Variants in NTNG2 observed in about 807,000 individuals in gnomAD.
NTNG2 encodes the protein netrin G2.
NTNG2 carries 15 observed loss-of-function variants against 47.6 expected under a neutral mutation model. The ratio of observed to expected loss-of-function variants is 0.32; its 90% confidence interval spans 0.21 to 0.49. NTNG2 has a LOEUF of 0.49. Among genes scored for constraint, NTNG2 ranks in the 20% least tolerant of loss-of-function variants. NTNG2 has a pLI of 0.99. For synonymous variants in NTNG2, 307 were observed against 324.6 expected (o/e 0.95, Z 0.58); for missense variants, 578 against 764.6 (o/e 0.76, Z 2.88).
rs1218492891 is a variant in NTNG2 at position 132,236,559 on chromosome 9, C to T, written c.1055-2545C>T. On this transcript the variant is annotated intron_variant, in intron 5 of 7. Transcript: ENST00000393229. This position sits in a 1 kb window ranked among gnomAD's most constrained non-coding sequence, Gnocchi z 4.3. ...TCTGAGCAGCGAGCAGGGCTTTGAG[C>T]GCCCTCTACTGGCAGGAAGCTCTGG... Among the ~76,000 whole-genome samples the T allele has an allele frequency of 2.0e-5, 3 of 152,222 alleles. No homozygotes were observed. The highest frequency in any genetic ancestry group is 4.8e-5 in the African/African-American group (2 of 41,456).
chr9:132,239,948 T>C (rs1841877550), intron 6 of NTNG2, among the ~76,000 whole-genome samples: 1 of 152,276 alleles, frequency 6.6e-6, no homozygotes, highest in African/African-American at 2.4e-5. Context: ...ACTCAAGGAC[T>C]GGCTTTTGGG....
rs1835230106 is a variant in NTNG2, at chr9:132,163,353, T to G, written c.-484+1114T>G. ...CGCGCCCCGCCTCCCGCGCCCAACT[T>G]TCCAGGGCTCCCGCGGGCGGGGACC... On this transcript the variant is annotated intron_variant, in intron 1 of 7. Transcript: ENST00000393229. This position sits in a 1 kb window ranked among gnomAD's most constrained non-coding sequence, Gnocchi z 7.2. Among the ~76,000 whole-genome samples the G allele has an allele frequency of 6.7e-6, 1 of 148,850 alleles. No individual in the cohort carries two copies. Among genetic ancestry groups the G allele is most frequent in the Non-Finnish European group, 1.5e-5 (1 of 66,944 alleles).
chr9:132,176,966 C>T (rs1836507398), intron 2 of NTNG2, among the ~76,000 whole-genome samples: 1 of 152,142 alleles, frequency 6.6e-6, no homozygotes, highest in African/African-American at 2.4e-5. Context: ...CAGTGTGCTT[C>T]TTAGTCATTT....
intron 2 of NTNG2, among the ~76,000 whole-genome samples, chr9:132,192,300 G>A (rs1460912441): frequency 6.6e-6 from 1 of 152,186 alleles, no homozygotes; most frequent in East Asian, 1.9e-4. Flanking sequence ...CCCCAGTGAA[G>A]AATAGAAGGT....
chr9:132,242,173 GC>G lies in NTNG2; in HGVS notation c.*64del. 1.2e-6 allele frequency: 1 copy of G among 863,690 alleles called. No individual in the cohort carries two copies. Among genetic ancestry groups the G allele is most frequent in the South Asian group, 5.5e-5 (1 of 18,304 alleles). 53.5% of individuals were successfully genotyped at this position (863,690 alleles called of 1,614,324 possible). ...GGGGGTCCCGGGGTCCCGGGGCGGG[GC>G]CGGCGTCCGAGGCCGGGCGGTGAGA... On this transcript the variant is annotated 3_prime_UTR_variant, in exon 8 of 8. Coordinates refer to ENST00000393229, the MANE Select transcript of NTNG2 (RefSeq NM_032536.4). The surrounding 1 kb of genome is among the most constrained non-coding windows in gnomAD (Gnocchi z 5.9).
At chr9:132,186,124 G>A (rs559938300) in intron 2 of NTNG2, among the ~76,000 whole-genome samples, 44 of 152,322 alleles carry the variant, frequency 2.9e-4, no homozygotes, top group African/African-American at 5.8e-4. Context: ...CCCCACACTC[G>A]AAGGAGGGAG....
In NTNG2 at chr9:132,234,862, C is replaced by T. The variant is rs141133491; in HGVS notation, c.1055-4242C>T. Among the ~76,000 whole-genome samples the T allele has an allele frequency of 3.8e-3, 578 of 152,380 alleles. 4 individuals carry two copies. Among genetic ancestry groups the T allele is most frequent in the Non-Finnish European group, 5.7e-3 (387 of 68,042 alleles). ...TCCCCGCTCCCAGCTGGAAAGTCTT[C>T]CGCACTTGTTAGCTGGTAGCTTTTC... On this transcript the variant is annotated intron_variant, in intron 5 of 7. Transcript: ENST00000393229.
chr9:132,193,112 C>A (rs1200226592), intron 2 of NTNG2, among the ~76,000 whole-genome samples: 1 of 152,176 alleles, frequency 6.6e-6, no homozygotes, highest in African/African-American at 2.4e-5. Context: ...GGGGCCTGGG[C>A]AGGGCAGGGC....
rs1488300573 is a variant in NTNG2 at position 132,226,492 on chromosome 9, C to A, written c.858-357C>A. ...GCCTCTGTCACCCATCAACCCACAT[C>A]AGTCAAAGGCTAGGGTGATCAGAAG... On this transcript the variant is annotated intron_variant, in intron 3 of 7. Coordinates refer to ENST00000393229, the MANE Select transcript of NTNG2 (RefSeq NM_032536.4). This position sits in a 1 kb window ranked among gnomAD's most constrained non-coding sequence, Gnocchi z 4.8. 6.6e-6 allele frequency among the ~76,000 whole-genome samples: 1 copy of A among 152,226 alleles called. No individual in the cohort carries two copies. Among genetic ancestry groups the A allele is most frequent in the Non-Finnish European group, 1.5e-5 (1 of 68,048 alleles).
intron 7 of NTNG2, chr9:132,241,345 G>T: frequency 2.1e-6 from 1 of 474,466 alleles, no homozygotes; most frequent in Non-Finnish European, 3.7e-6. Context: ...GGGGCCTAGC[G>T]AGACGGAGCT....
chr9:132,230,037 T>G (rs72763700), intron 4 of NTNG2, among the ~76,000 whole-genome samples: 1 of 152,208 alleles, frequency 6.6e-6, no homozygotes, highest in Non-Finnish European at 1.5e-5. Context: ...AGTTCCCTCA[T>G]AGGGTTCTTG....
At chr9:132,209,405 G>A (rs562390409) in intron 3 of NTNG2, among the ~76,000 whole-genome samples, 4 of 152,348 alleles carry the variant, frequency 2.6e-5, no homozygotes, top group East Asian at 1.9e-4. Flanking sequence ...TGAGCTCCGC[G>A]GTGACGATGA....
rs1025619872 is a variant in NTNG2, at chr9:132,163,500, G to T, written c.-484+1261G>T. Among the ~76,000 whole-genome samples, 4 of 152,074 alleles carry T rather than the reference G, an allele frequency of 2.6e-5. No individual in the cohort carries two copies. Among genetic ancestry groups the T allele is most frequent in the Non-Finnish European group, 5.9e-5 (4 of 67,972 alleles). On this transcript the variant is annotated intron_variant, in intron 1 of 7. Transcript: ENST00000393229. This position sits in a 1 kb window ranked among gnomAD's most constrained non-coding sequence, Gnocchi z 7.2. The stretch of plus-strand genomic sequence containing the variant: ...CTGGACCCCGCCCGGGGCAGAGGAC[G>T]GGAAGGTGACCCCGCCGGCCAAGCT...
chr9:132,237,123 A>G (rs1198488107), intron 5 of NTNG2, among the ~76,000 whole-genome samples: 2 of 152,116 alleles, frequency 1.3e-5, no homozygotes, highest in African/African-American at 4.8e-5. Context: ...AGTCATTTGG[A>G]GGATTAATCC....
chr9:132,204,758 G>A (rs1839040792), intron 3 of NTNG2, among the ~76,000 whole-genome samples: 1 of 152,152 alleles, frequency 6.6e-6, no homozygotes, highest in South Asian at 2.1e-4. Flanking sequence ...CACAGATGAG[G>A]AAACTGAGGC....
chr9:132,241,062 C>A lies in NTNG2; in HGVS notation c.1357+18C>A. 1 of 1,583,064 alleles carries A rather than the reference C, an allele frequency of 6.3e-7. No individual in the cohort carries two copies. The highest frequency in any genetic ancestry group is 1.3e-5 in the African/African-American group (1 of 74,538). ...CTGCTACCGTGAGTGCGCGCCGTCC[C>A]CCGTGGGCGGGGCCTGCGGAAAGGG... On this transcript the variant is annotated intron_variant, in intron 7 of 7. Transcript: ENST00000393229.
intron 3 of NTNG2, among the ~76,000 whole-genome samples, chr9:132,211,896 G>A (rs189766716): frequency 4.6e-5 from 7 of 152,316 alleles, no homozygotes; most frequent in African/African-American, 1.2e-4. Flanking sequence ...CCAGGTAGGC[G>A]TGCTGTATAT....
At chr9:132,233,871 C>T (rs996779426) in intron 5 of NTNG2, 1 of 152,108 alleles carries the variant, frequency 6.6e-6, no homozygotes. Flanking sequence ...ATGTAAATTA[C>T]ACCTCAATCA....
chr9:132,228,123 G>T (rs1042559697), intron 4 of NTNG2, among the ~76,000 whole-genome samples: 5 of 152,242 alleles, frequency 3.3e-5, no homozygotes, highest in South Asian at 2.1e-4. Context: ...TACTGGATCT[G>T]ATGCTCAGAC....
Sources: allele counts gnomAD v4.1 joint callset (sites outside exome capture counted in the v4.1 genomes callset), GRCh38; gene constraint gnomAD v4.1.1; non-coding constraint Gnocchi (gnomAD v3.1); transcripts MANE v1.5; gene names NCBI Gene and HGNC (gene_info 2026-07-23, HGNC 2026-07-21).